Variants in ZNF100 observed in about 807,000 individuals in gnomAD.
ZNF100 encodes zinc finger protein 100.
A neutral mutation model predicts 15.8 loss-of-function variants in ZNF100; 12 were observed. That is an observed-to-expected ratio of 0.76 (90% CI 0.49 to 1.23). The LOEUF (loss-of-function observed/expected upper bound fraction) is 1.23, where lower values mean the gene tolerates loss of function less well. ZNF100 is among the 50% of genes most tolerant of loss of function. The probability of loss-of-function intolerance (pLI) is 0.00; values close to 1 mark genes in which losing one functional copy is unlikely to be tolerated. For synonymous variants in ZNF100, 226 were observed against 214.8 expected (o/e 1.05, Z -0.45); for missense variants, 670 against 635.6 (o/e 1.05, Z -0.58).
chr19:21,765,812 T>G (rs753765627), intron 1 of ZNF100, 26 bp from the exon 2 acceptor site: 1 of 1,593,740 alleles, frequency 6.3e-7, no homozygotes, highest in African/African-American at 1.3e-5. Flanking sequence ...AACCAGAAGC[T>G]GACATTCACT....
chr19:21,760,024 A>T (rs571183335), intron 2 of ZNF100, among the ~76,000 whole-genome samples: 10 of 152,034 alleles, frequency 6.6e-5, no homozygotes, highest in Admixed American at 5.9e-4. Context: ...CTCTACTAAA[A>T]ATATAAAATT....
At chr19:21,753,914 G>C (rs1355058038) in intron 2 of ZNF100, among the ~76,000 whole-genome samples, 1 of 152,098 alleles carries the variant, frequency 6.6e-6, no homozygotes, top group East Asian at 1.9e-4. Context: ...TGCTATTTAA[G>C]AAATAACTTA....
At chr19:21,738,101 A>G (rs2036040108) in intron 4 of ZNF100, among the ~76,000 whole-genome samples, 1 of 151,710 alleles carries the variant, frequency 6.6e-6, no homozygotes, top group Non-Finnish European at 1.5e-5. Context: ...AAATACAAAA[A>G]TTATCTGGGT....
At chr19:21,737,927 A>T (rs1327493522) in intron 4 of ZNF100, among the ~76,000 whole-genome samples, 1 of 152,112 alleles carries the variant, frequency 6.6e-6, no homozygotes, top group African/African-American at 2.4e-5. Context: ...AAACAACAAC[A>T]ACAAAAACTT....
intron 2 of ZNF100, among the ~76,000 whole-genome samples, chr19:21,761,185 CACT>C (rs1265502451): frequency 1.3e-5 from 2 of 152,106 alleles, no homozygotes; most frequent in Non-Finnish European, 2.9e-5. Context: ...CCTAAAACAT[CACT>C]GATCCTTTGT....
At chr19:21,750,800 G>T in intron 2 of ZNF100, 1 of 418,198 alleles carries the variant, frequency 2.4e-6, no homozygotes, top group Non-Finnish European at 4.2e-6. Context: ...GGCGAGTAGG[G>T]GGCTAGAGAA....
At chr19:21,742,725 C>A (rs2036139846) in intron 4 of ZNF100, among the ~76,000 whole-genome samples, 2 of 151,826 alleles carry the variant, frequency 1.3e-5, no homozygotes, top group South Asian at 4.1e-4. Flanking sequence ...TATAAAAAAA[C>A]CATAAACACT....
At chr19:21,742,619 G>A (rs543480331) in intron 4 of ZNF100, among the ~76,000 whole-genome samples, 35 of 152,110 alleles carry the variant, frequency 2.3e-4, no homozygotes, top group Non-Finnish European at 4.3e-4. Flanking sequence ...CGTAGGACTG[G>A]AAGTAAGTGG....
chr19:21,762,285 AC>A (rs1474834937), intron 2 of ZNF100, among the ~76,000 whole-genome samples: 1 of 152,258 alleles, frequency 6.6e-6, no homozygotes, highest in East Asian at 1.9e-4. Context: ...AATCTGGATT[AC>A]TGTTTGAATT....
intron 4 of ZNF100, among the ~76,000 whole-genome samples, chr19:21,734,603 G>A (rs995996067): frequency 4.6e-5 from 7 of 151,946 alleles, no homozygotes; most frequent in African/African-American, 1.7e-4. Context: ...CTAAAGAGAG[G>A]GAAAGAATGG....
Position 21,723,700 on chromosome 19 carries a change from G to A in ZNF100, c.*2983C>T, listed in dbSNP as rs2035722450. On this transcript the variant is annotated 3_prime_UTR_variant, in exon 5 of 5. Coordinates refer to ENST00000358296, the MANE Select transcript of ZNF100 (RefSeq NM_173531.4). Reference sequence around the variant, plus strand: ...TGAAGTTACAAGCTAACTTTAGCAGGAATACTTATGGCTTACTATGGAGCA... The same window carrying A: ...TGAAGTTACAAGCTAACTTTAGCAGAAATACTTATGGCTTACTATGGAGCA... 1 of 152,126 alleles carries A rather than the reference G, an allele frequency of 6.6e-6. No homozygotes were observed. Among genetic ancestry groups the A allele is most frequent in the African/African-American group, 2.4e-5 (1 of 41,434 alleles). 9.4% of individuals were successfully genotyped at this position (152,126 alleles called of 1,614,324 possible). A position where few individuals can be genotyped will look rare whatever the true frequency, so the allele number is the denominator to read the frequency against.
At chr19:21,767,231 GA>G (rs2036579079) in intron 1 of ZNF100, among the ~76,000 whole-genome samples, 195 bp downstream of exon 1, 1 of 152,192 alleles carries the variant, frequency 6.6e-6, no homozygotes, top group Non-Finnish European at 1.5e-5. Context: ...ACTACGCAGG[GA>G]AGAGAAAGGA....
intron 4 of ZNF100, among the ~76,000 whole-genome samples, chr19:21,730,690 C>T (rs946835280): frequency 1.2e-4 from 19 of 152,060 alleles, no homozygotes; most frequent in Admixed American, 1.1e-3. Context: ...TCAACAATAT[C>T]GGGATACACA....
intron 2 of ZNF100, among the ~76,000 whole-genome samples, chr19:21,758,472 T>C (rs758724440): frequency 5.3e-5 from 8 of 152,224 alleles, no homozygotes; most frequent in Non-Finnish European, 8.8e-5. Context: ...TTGTTTGTTC[T>C]ACAGACAGTG....
intron 1 of ZNF100, among the ~76,000 whole-genome samples, chr19:21,766,194 G>A (rs1334578592): frequency 6.6e-6 from 1 of 152,140 alleles, no homozygotes; most frequent in South Asian, 2.1e-4. Flanking sequence ...TGTGAATTAG[G>A]AAGGAAAAGT....
chr19:21,751,501 A>G (rs1263881880), intron 2 of ZNF100: 4 of 1,048,912 alleles, frequency 3.8e-6, no homozygotes, highest in Non-Finnish European at 6.0e-6. Flanking sequence ...AAAGGCTTTT[A>G]ACTTATGCTG....
chr19:21,744,615 C>T (rs982999434), intron 3 of ZNF100, among the ~76,000 whole-genome samples: 2 of 152,138 alleles, frequency 1.3e-5, no homozygotes, highest in African/African-American at 4.8e-5. Flanking sequence ...CGTGACCCGC[C>T]TGCCTCAGCC....
At chr19:21,735,950 G>A (rs1369742417) in intron 4 of ZNF100, among the ~76,000 whole-genome samples, 1 of 151,756 alleles carries the variant, frequency 6.6e-6, no homozygotes, top group African/African-American at 2.4e-5. Context: ...CACCACATTC[G>A]GCTAGTATTT....
chr19:21,756,065 T>C (rs894037090), intron 2 of ZNF100, among the ~76,000 whole-genome samples: 11 of 152,040 alleles, frequency 7.2e-5, no homozygotes, highest in Non-Finnish European at 1.5e-4. Flanking sequence ...AGAAATTTTT[T>C]AAAAGAGGAA....
Sources: gnomAD v4.1 joint callset for allele counts (sites outside exome capture counted in the v4.1 genomes callset) on GRCh38, gnomAD v4.1.1 for gene constraint, MANE v1.5 for transcripts, NCBI Gene and HGNC (gene_info 2026-07-23, HGNC 2026-07-21) for gene names.